The following SLCO2A1 variants were observed in gnomAD, a reference collection of about 807,000 sequenced individuals.
SLCO2A1 encodes solute carrier organic anion transporter family member 2A1.
Under a neutral mutation model 71.7 loss-of-function variants are expected in SLCO2A1, and 60 were observed. That is an observed-to-expected ratio of 0.84 (90% CI 0.68 to 1.04). The LOEUF (loss-of-function observed/expected upper bound fraction) is 1.04, where lower values mean the gene tolerates loss of function less well. SLCO2A1 is among the 50% of genes least tolerant of loss of function. SLCO2A1 has a pLI of 0.00. For synonymous variants in SLCO2A1, 308 were observed against 326.7 expected (o/e 0.94, Z 0.62); for missense variants, 745 against 813.4 (o/e 0.92, Z 1.02).
chr3:133,979,008 C>G (rs1934522178), intron 2 of SLCO2A1, among the ~76,000 whole-genome samples: 1 of 152,192 alleles, frequency 6.6e-6, no homozygotes, highest in Non-Finnish European at 1.5e-5. Context: ...CAGGAGATGC[C>G]TGGGCCCAGG....
At chr3:133,954,943 C>T (rs762463745) in intron 4 of SLCO2A1, 23 bp downstream of exon 4, 6 of 1,598,458 alleles carry the variant, frequency 3.8e-6, no homozygotes, top group Non-Finnish European at 4.3e-6. Flanking sequence ...CTCCCCAAAG[C>T]CCTCTTCAAG....
At chr3:134,021,653 G>A (rs1285014949) in intron 1 of SLCO2A1, among the ~76,000 whole-genome samples, 1 of 150,636 alleles carries the variant, frequency 6.6e-6, no homozygotes, top group Non-Finnish European at 1.5e-5. Flanking sequence ...GAGAGAGAGA[G>A]AAAGAGAAAG....
Position 133,980,496 on chromosome 3 carries a change from C to T in SLCO2A1, c.97-878G>A, listed in dbSNP as rs150627050. On this transcript the variant is annotated intron_variant, in intron 1 of 13. Transcript: ENST00000310926. ...GGCTCCCCCAGGTTCTCAGCTGTTGCGCTGACACCGAACAGGCTCTGAGCC... is the reference window on the plus strand; with the variant it reads ...GGCTCCCCCAGGTTCTCAGCTGTTGTGCTGACACCGAACAGGCTCTGAGCC... Among the ~76,000 whole-genome samples, 230 of 152,336 alleles carry T rather than the reference C, an allele frequency of 1.5e-3. 2 individuals carry two copies. Among genetic ancestry groups the T allele is most frequent in the African/African-American group, 4.8e-3 (199 of 41,566 alleles).
chr3:134,023,989 T>G (rs886108842), intron 1 of SLCO2A1, among the ~76,000 whole-genome samples: 11 of 152,250 alleles, frequency 7.2e-5, no homozygotes, highest in African/African-American at 2.7e-4. Context: ...TTCCCAACAC[T>G]AAGTCACTTC....
intron 11 of SLCO2A1, 87 bp downstream of exon 11, chr3:133,942,518 T>G: frequency 7.2e-7 from 1 of 1,383,694 alleles, no homozygotes; most frequent in Non-Finnish European, 9.8e-7. Flanking sequence ...GGGGGAGAGA[T>G]GAGAAACAGG....
chr3:133,951,471 G>T, intron 5 of SLCO2A1, 127 bp from the exon 6 acceptor site: 2 of 1,148,380 alleles, frequency 1.7e-6, no homozygotes, highest in Non-Finnish European at 2.5e-6. Flanking sequence ...CAAGCCATGA[G>T]CTAGATTCTT....
In SLCO2A1 at chr3:133,952,609, C is replaced by T. The variant is rs78592705; in HGVS notation, c.724+1054G>A. On this transcript the variant is annotated intron_variant, in intron 5 of 13. Coordinates refer to ENST00000310926, the MANE Select transcript of SLCO2A1 (RefSeq NM_005630.3). ...GGCAGGAAGCCCTTGCTCCATTCAT[C>T]CTGGGGCTGGCTCCCTGAATGGTTA... Among the ~76,000 whole-genome samples, 689 of 152,342 alleles carry T rather than the reference C, an allele frequency of 4.5e-3. 3 individuals are homozygous for T. The highest frequency in any genetic ancestry group is 4.8e-3 in the Non-Finnish European group (328 of 68,032).
intron 1 of SLCO2A1, among the ~76,000 whole-genome samples, chr3:134,026,070 C>T (rs1051348156): frequency 6.6e-6 from 1 of 152,114 alleles, no homozygotes; most frequent in Non-Finnish European, 1.5e-5. Flanking sequence ...GACCCAGTTC[C>T]TGATGAATTC....
At chr3:134,026,187 G>A (rs560561204) in intron 1 of SLCO2A1, among the ~76,000 whole-genome samples, 5 of 152,170 alleles carry the variant, frequency 3.3e-5, no homozygotes, top group South Asian at 2.1e-4. Context: ...CCCATAGGAC[G>A]ACTTCTTTGT....
intron 6 of SLCO2A1, among the ~76,000 whole-genome samples, chr3:133,950,287 C>A (rs142920377): frequency 3.5e-4 from 54 of 152,296 alleles, no homozygotes; most frequent in Admixed American, 2.0e-4. Context: ...CCTCTCCCCC[C>A]GGCTGGGCCT....
intron 1 of SLCO2A1, among the ~76,000 whole-genome samples, chr3:134,008,009 A>G (rs914560020): frequency 6.6e-6 from 1 of 152,170 alleles, no homozygotes; most frequent in African/African-American, 2.4e-5. Context: ...GTTGATGGAA[A>G]CCATAATTCA....
At chr3:133,998,234 C>G (rs146563424) in intron 1 of SLCO2A1, among the ~76,000 whole-genome samples, 67 of 152,342 alleles carry the variant, frequency 4.4e-4, no homozygotes, top group Admixed American at 2.0e-3. Context: ...TCTGCTTATC[C>G]TTTTCTGGCT....
chr3:134,003,888 G>A (rs1425798836), intron 1 of SLCO2A1, among the ~76,000 whole-genome samples: 1 of 152,174 alleles, frequency 6.6e-6, no homozygotes, highest in African/African-American at 2.4e-5. Context: ...CAGTTGGAAG[G>A]CCTTTAAAGC....
In SLCO2A1 at chr3:133,977,705, C is replaced by T. The variant is rs142279727; in HGVS notation, c.234+1776G>A. Among the ~76,000 whole-genome samples the T allele has an allele frequency of 1.0e-3, 152 of 152,190 alleles. 1 individual carries two copies. The highest frequency in any genetic ancestry group is 6.8e-3 in the Middle Eastern group (2 of 294). On this transcript the variant is annotated intron_variant, in intron 2 of 13. Transcript: ENST00000310926. ...GGGTCATGAAACAAGACCGTGGTGA[C>T]GCAAATGTCGGAGATTTGTTTTCCC... is the stretch of plus-strand genomic sequence containing the variant.
At chr3:133,990,899 C>T (rs1576449743) in intron 1 of SLCO2A1, among the ~76,000 whole-genome samples, 2 of 152,032 alleles carry the variant, frequency 1.3e-5, no homozygotes, top group Admixed American at 1.3e-4. Flanking sequence ...CACCTGAGGT[C>T]GGGAGTTCAA....
rs1933330533 is a variant in SLCO2A1, at chr3:133,938,472, C to A, written c.1647G>T (p.Lys549Asn). ...MVLRVVNQEE[K>N]SFAIGVQFLL... ...AGAACTGCACCCCGATGGCAAATGA[C>A]TTTTCCTCCTGGTTCACCACACTGA... is the stretch of plus-strand genomic sequence containing the variant. Residue 549 changes from lysine (K) to asparagine (N), a missense_variant, in exon 12 of 14, where the codon AAG becomes AAT. Transcript: ENST00000310926. 2 of 1,614,150 alleles carry A rather than the reference C, an allele frequency of 1.2e-6. No individual in the cohort carries two copies. The highest frequency in any genetic ancestry group is 4.5e-5 in the East Asian group (2 of 44,858).
chr3:133,955,481 T>G, intron 3 of SLCO2A1: 1 of 421,354 alleles, frequency 2.4e-6, no homozygotes, highest in Non-Finnish European at 4.3e-6. Context: ...GTCCATGCCT[T>G]CTCCTCCATG....
intron 8 of SLCO2A1, among the ~76,000 whole-genome samples, chr3:133,948,295 G>A (rs947730743): frequency 2.0e-5 from 3 of 152,306 alleles, no homozygotes; most frequent in Admixed American, 1.3e-4. Context: ...TTTACAGGGA[G>A]GAAGGCAGCC....
chr3:133,983,976 T>C (rs1934652867), intron 1 of SLCO2A1, among the ~76,000 whole-genome samples: 1 of 152,090 alleles, frequency 6.6e-6, no homozygotes, highest in African/African-American at 2.4e-5. Context: ...GTCAAAGGCA[T>C]GCATGCATGG....
Sources: allele counts gnomAD v4.1 joint callset (sites outside exome capture counted in the v4.1 genomes callset), GRCh38; gene constraint gnomAD v4.1.1; transcripts MANE v1.5; gene names NCBI Gene and HGNC (gene_info 2026-07-23, HGNC 2026-07-21).